ZBTB44: variants seen among roughly 807,000 people sequenced by gnomAD.
ZBTB44 encodes the protein zinc finger and BTB domain-containing protein 44.
In ZBTB44, 15 loss-of-function variants were observed where a neutral mutation model predicts 54.0. The ratio of observed to expected loss-of-function variants is 0.28; its 90% CI spans 0.19 to 0.43. The LOEUF (loss-of-function observed/expected upper bound fraction) is 0.43, where lower values mean the gene tolerates loss of function less well. Among genes scored for constraint, ZBTB44 ranks in the 20% least tolerant of loss-of-function variants. The pLI is 1.00. For missense variants in ZBTB44, 487 were observed against 707.1 expected, an observed-to-expected ratio of 0.69 and a Z score of 3.53; for synonymous variants, 230 against 250.1, an observed-to-expected ratio of 0.92 and a Z score of 0.76.
intron 1 of ZBTB44, chr11:130,285,295 T>A (rs1211611044): frequency 1.4e-5 from 2 of 144,562 alleles, no homozygotes; most frequent in Non-Finnish European, 3.0e-5. Flanking sequence ...GTTTTCTTTT[T>A]TTTTTTTTTT....
Position 130,229,539 on chromosome 11 carries a change from C to T in ZBTB44, c.*2225G>A, listed in dbSNP as rs920796013. Reference sequence around the variant, plus strand: ...CTGTCACCATACTGTCAAGCAAAAACGACAATGAAAGATAAAAATGGGTAT... The same window carrying T: ...CTGTCACCATACTGTCAAGCAAAAATGACAATGAAAGATAAAAATGGGTAT... On this transcript the variant is annotated 3_prime_UTR_variant, in exon 8 of 8. Coordinates refer to ENST00000357899, the MANE Select transcript of ZBTB44 (RefSeq NM_001301098.2). The T allele has an allele frequency of 5.9e-5, 9 of 151,970 alleles. No homozygotes were observed. Among genetic ancestry groups the T allele is most frequent in the Non-Finnish European group, 1.2e-4 (8 of 67,966 alleles). The allele number at this position is 151,970 out of a possible 1,614,324, so 9.4% of individuals were successfully genotyped here.
Position 130,267,959 on chromosome 11 carries a change from G to A in ZBTB44, c.-56-6030C>T, listed in dbSNP as rs181764784. Among the ~76,000 whole-genome samples, 599 of 151,882 alleles carry A rather than the reference G, an allele frequency of 3.9e-3. 2 individuals are homozygous for A. The highest frequency in any genetic ancestry group is 0.01 in the Middle Eastern group (3 of 294). ...GTGGTGGCAGGCACCTGTAATCCCA[G>A]CTACTCGGGAGGCTGAGGCAGAACT... On this transcript the variant is annotated intron_variant, in intron 1 of 7. Transcript: ENST00000357899.
chr11:130,240,807 G>A (rs1234341704), intron 2 of ZBTB44, among the ~76,000 whole-genome samples: 1 of 152,184 alleles, frequency 6.6e-6, no homozygotes, highest in Non-Finnish European at 1.5e-5. Context: ...GTTCTTGCTG[G>A]AACACAACTT....
At chr11:130,291,966 G>A (rs916387143) in intron 1 of ZBTB44, among the ~76,000 whole-genome samples, 3 of 152,104 alleles carry the variant, frequency 2.0e-5, no homozygotes, top group Admixed American at 2.0e-4. Flanking sequence ...TTATCAATGT[G>A]CTTTACACTT....
chr11:130,302,881 G>A (rs140706042), intron 1 of ZBTB44, among the ~76,000 whole-genome samples: 1,636 of 151,928 alleles, frequency 0.011, 14 homozygotes, highest in African/African-American at 0.022. Context: ...AGGCTGAGGC[G>A]GGAGAATCTC....
rs1357391645 is a variant in ZBTB44 at position 130,260,974 on chromosome 11, A to G, written c.900T>C (p.His300=). The G allele has an allele frequency of 6.2e-7, 1 of 1,614,000 alleles. No individual in the cohort carries two copies. Among genetic ancestry groups the G allele is most frequent in the Non-Finnish European group, 8.5e-7 (1 of 1,179,890 alleles). The change falls in exon 2 of 8, where the codon CAT becomes CAC. Residue 300 remains histidine, a synonymous_variant. Transcript: ENST00000357899. ...CACTGACAGGCTGGGACACTTCCTC[A>G]TGGACCTCCTCATCACTTAATCTTT... is the stretch of plus-strand genomic sequence containing the variant. ...KVERLSDEEV[H]EEVSQPVSAS... is the part of the protein sequence containing the mutation.
chr11:130,252,367 C>A (rs534377723), intron 2 of ZBTB44, among the ~76,000 whole-genome samples: 2 of 152,120 alleles, frequency 1.3e-5, no homozygotes, highest in East Asian at 3.9e-4. Flanking sequence ...GACAGATCAA[C>A]GAGACAGAAA....
At chr11:130,255,909 A>AAC in intron 2 of ZBTB44, among the ~76,000 whole-genome samples, 1 of 150,452 alleles carries the variant, frequency 6.6e-6, no homozygotes, top group East Asian at 1.9e-4. Flanking sequence ...AAAAAAAAAA[A>AAC]AAAAAAAAAA....
At chr11:130,307,359 A>G (rs1942329363) in intron 1 of ZBTB44, among the ~76,000 whole-genome samples, 1 of 151,846 alleles carries the variant, frequency 6.6e-6, no homozygotes, top group Admixed American at 6.6e-5. Context: ...CAGGGGATGA[A>G]GCTTGCAGTG....
intron 1 of ZBTB44, among the ~76,000 whole-genome samples, chr11:130,303,138 C>G (rs1942075522): frequency 6.6e-6 from 1 of 152,266 alleles, no homozygotes; most frequent in African/African-American, 2.4e-5. Flanking sequence ...AGATACCTAA[C>G]AGGTTAAGAT....
intron 1 of ZBTB44, among the ~76,000 whole-genome samples, chr11:130,290,453 C>T (rs1042634374): frequency 2.6e-5 from 4 of 152,212 alleles, no homozygotes; most frequent in Non-Finnish European, 4.4e-5. Flanking sequence ...CCTTTTCCTC[C>T]TAACACAGAC....
At chr11:130,311,738 G>A (rs1035684228) in intron 1 of ZBTB44, among the ~76,000 whole-genome samples, 4 of 152,100 alleles carry the variant, frequency 2.6e-5, no homozygotes, top group African/African-American at 9.7e-5. Context: ...TTCTATATAC[G>A]ATTTCTCATT....
rs964487021 is a variant in ZBTB44 at position 130,229,797 on chromosome 11, T to A, written c.*1967A>T. 3 of 152,140 alleles carry A rather than the reference T, an allele frequency of 2.0e-5. No individual in the cohort carries two copies. Among genetic ancestry groups the A allele is most frequent in the Non-Finnish European group, 2.9e-5 (2 of 67,984 alleles). 9.4% of individuals were successfully genotyped at this position (152,140 alleles called of 1,614,324 possible). A position where few individuals can be genotyped will look rare whatever the true frequency, so the allele number is the denominator to read the frequency against. Reference sequence around the variant, plus strand: ...AATAAAGCATCTTACGTCAATAACTTACTTACAGTGAAAACTACATTTATT... The same window carrying A: ...AATAAAGCATCTTACGTCAATAACTAACTTACAGTGAAAACTACATTTATT... On this transcript the variant is annotated 3_prime_UTR_variant, in exon 8 of 8. Coordinates refer to ENST00000357899, the MANE Select transcript of ZBTB44 (RefSeq NM_001301098.2).
chr11:130,238,448 G>A lies in ZBTB44; in HGVS notation c.1263C>T (p.His421=). ...IQNLKQHMLI[H]SGIKPFQCDR... ...CAACAGGGAAGGTGACATTACCTGA[G>A]TGGATGAGCATGTGCTGCTTTAGGT... Residue 421 remains histidine (H), a synonymous_variant, in exon 4 of 8, where the codon CAC becomes CAT. Coordinates refer to ENST00000357899, the MANE Select transcript of ZBTB44 (RefSeq NM_001301098.2). The A allele has an allele frequency of 6.2e-7, 1 of 1,605,908 alleles. No individual in the cohort carries two copies. Among genetic ancestry groups the A allele is most frequent in the Non-Finnish European group, 8.5e-7 (1 of 1,176,154 alleles).
intron 1 of ZBTB44, among the ~76,000 whole-genome samples, chr11:130,290,508 C>T (rs1373459526): frequency 6.6e-6 from 1 of 152,248 alleles, no homozygotes; most frequent in African/African-American, 2.4e-5. Context: ...CCTTTCTCCA[C>T]TGCCACTGCC....
intron 5 of ZBTB44, among the ~76,000 whole-genome samples, chr11:130,234,923 A>G (rs1375883545): frequency 2.0e-5 from 3 of 152,230 alleles, no homozygotes; most frequent in South Asian, 2.1e-4. Flanking sequence ...ACAGTAAAAT[A>G]TACTAAAAAC....
chr11:130,238,312 TA>T, intron 4 of ZBTB44, 131 bp downstream of exon 4: 1 of 1,154,448 alleles, frequency 8.7e-7, no homozygotes, highest in Non-Finnish European at 1.2e-6. Flanking sequence ...AAACCTTAGC[TA>T]ATCTGTTTTC....
chr11:130,258,207 T>C (rs1418848840), intron 2 of ZBTB44, among the ~76,000 whole-genome samples: 1 of 152,216 alleles, frequency 6.6e-6, no homozygotes, highest in East Asian at 1.9e-4. Flanking sequence ...TATGAAAAAT[T>C]GTGACTTAGA....
chr11:130,268,872 G>A (rs1176033334), intron 1 of ZBTB44, among the ~76,000 whole-genome samples: 3 of 150,750 alleles, frequency 2.0e-5, no homozygotes, highest in Non-Finnish European at 2.9e-5. Context: ...GAGCCATCAC[G>A]CTCGGCCTCA....
Sources: allele counts gnomAD v4.1 joint callset (sites outside exome capture counted in the v4.1 genomes callset), GRCh38; gene constraint gnomAD v4.1.1; transcripts MANE v1.5; gene names NCBI Gene and HGNC (gene_info 2026-07-23, HGNC 2026-07-21).